The following GALNT14 variants were observed in gnomAD, a reference collection of about 807,000 sequenced individuals.
GALNT14 encodes UDP-GalNAc:polypeptide N-acetylgalactosaminyltransferase 14.
A neutral mutation model predicts 77.5 loss-of-function variants in GALNT14; 60 were observed. The ratio of observed to expected loss-of-function variants is 0.77; its 90% CI spans 0.63 to 0.96. The LOEUF is 0.96. Among genes scored for constraint, GALNT14 ranks in the 40% least tolerant of loss-of-function variants. The probability of loss-of-function intolerance (pLI) is 0.00; values close to 1 mark genes in which losing one functional copy is unlikely to be tolerated. For missense variants in GALNT14, 710 were observed against 731.0 expected (o/e 0.97, Z 0.33); for synonymous variants, 280 against 281.7 (o/e 0.99, Z 0.06).
At chr2:30,943,620 C>G (rs568716196) in intron 8 of GALNT14, among the ~76,000 whole-genome samples, 8 of 152,276 alleles carry the variant, frequency 5.3e-5, no homozygotes, top group Non-Finnish European at 1.2e-4. Context: ...TCACCTTGAC[C>G]CTTTGCTCTT....
intron 1 of GALNT14, among the ~76,000 whole-genome samples, chr2:31,010,042 A>G (rs1352505131): frequency 6.6e-6 from 1 of 152,192 alleles, no homozygotes; most frequent in Non-Finnish European, 1.5e-5. Flanking sequence ...CTGCAGTGCA[A>G]TGGCATGATC....
chr2:30,987,978 G>A (rs945221318), intron 2 of GALNT14, among the ~76,000 whole-genome samples: 16 of 152,202 alleles, frequency 1.1e-4, no homozygotes, highest in African/African-American at 3.9e-4. Flanking sequence ...TTTCAGTAAC[G>A]AGAACTCTTT....
intron 1 of GALNT14, among the ~76,000 whole-genome samples, chr2:31,057,590 G>A (rs1220546331): frequency 6.6e-6 from 1 of 151,802 alleles, no homozygotes; most frequent in East Asian, 1.9e-4. Flanking sequence ...GAGGAACAAT[G>A]ATCAGGTGCT....
At chr2:31,056,020 T>G (rs1674187188) in intron 1 of GALNT14, among the ~76,000 whole-genome samples, 1 of 152,202 alleles carries the variant, frequency 6.6e-6, no homozygotes, top group African/African-American at 2.4e-5. Context: ...TCGAGTCAAA[T>G]TAAAAGTCCC....
At chr2:30,958,322 A>G in intron 4 of GALNT14, 75 bp downstream of exon 4, 2 of 1,289,402 alleles carry the variant, frequency 1.6e-6, no homozygotes, top group Non-Finnish European at 2.2e-6. Context: ...AAACCAGTGG[A>G]CTCACCTCTG....
chr2:31,128,011 A>G (rs1256620452), intron 1 of GALNT14, among the ~76,000 whole-genome samples: 1 of 152,204 alleles, frequency 6.6e-6, no homozygotes, highest in Non-Finnish European at 1.5e-5. Context: ...ATCTTAGAGC[A>G]GAGTACCAAC....
chr2:31,039,145 T>C (rs1170528142), intron 1 of GALNT14, among the ~76,000 whole-genome samples: 2 of 152,214 alleles, frequency 1.3e-5, no homozygotes, highest in African/African-American at 2.4e-5. Context: ...TTGCCAGTGT[T>C]CTTGTTGCTT....
At chr2:31,051,754 C>T (rs1358931595) in intron 1 of GALNT14, among the ~76,000 whole-genome samples, 1 of 152,168 alleles carries the variant, frequency 6.6e-6, no homozygotes, top group Non-Finnish European at 1.5e-5. Flanking sequence ...TCTGTGGGTT[C>T]AGGGACTGGG....
chr2:31,043,328 T>G (rs1177188227), intron 1 of GALNT14, among the ~76,000 whole-genome samples: 1 of 152,228 alleles, frequency 6.6e-6, no homozygotes, highest in Admixed American at 6.5e-5. Flanking sequence ...CTGATTTACC[T>G]TGTTAACTAC....
At position 30,944,941 on chromosome 2, in the gene GALNT14, C is replaced by CCCTACAACA; in HGVS notation, c.743-8_743dup (p.Gly248_Phe249insValValGly). 6.2e-7 allele frequency: 1 copy of CCCTACAACA among 1,605,616 alleles called. No homozygotes were observed. The stretch of plus-strand genomic sequence containing the variant: ...ACTGGAAGTGGAGGCTCCAGTCAAA[C>CCCTACAACA]CCTACAACACAGCACCAACCCACCT... On this transcript the variant is annotated inframe_insertion and splice_region_variant, in exon 8 of 15. Transcript: ENST00000349752.
At chr2:30,900,327 ACT>A in the GALNT14 span, among the ~76,000 whole-genome samples, 1 of 152,016 alleles carries the variant, frequency 6.6e-6, no homozygotes, top group African/African-American at 2.4e-5. Context: ...TCAGTATTAA[ACT>A]CTGTCATTAT....
At chr2:31,111,311 C>T (rs938893170) in intron 1 of GALNT14, among the ~76,000 whole-genome samples, 3 of 152,160 alleles carry the variant, frequency 2.0e-5, no homozygotes, top group Admixed American at 6.5e-5. Context: ...TGCAGGACTT[C>T]GCAAGTCTCC....
intron 1 of GALNT14, among the ~76,000 whole-genome samples, chr2:31,020,519 C>T (rs552771358): frequency 3.3e-5 from 5 of 152,312 alleles, no homozygotes; most frequent in Admixed American, 1.3e-4. Flanking sequence ...AGATGGCCTC[C>T]GGAATCACAT....
At chr2:30,994,102 C>T (rs1669879248) in intron 1 of GALNT14, among the ~76,000 whole-genome samples, 1 of 152,208 alleles carries the variant, frequency 6.6e-6, no homozygotes, top group Admixed American at 6.5e-5. Context: ...ACATAAGACT[C>T]TGTGTTTCCA....
intron 9 of GALNT14, among the ~76,000 whole-genome samples, chr2:30,936,045 G>T (rs116635767): frequency 6.6e-6 from 1 of 152,108 alleles, no homozygotes; most frequent in Non-Finnish European, 1.5e-5. Flanking sequence ...GCCACTTCAC[G>T]GAGACCCAAA....
chr2:31,053,962 G>A (rs1027012696), intron 1 of GALNT14, among the ~76,000 whole-genome samples: 10 of 152,172 alleles, frequency 6.6e-5, no homozygotes, highest in African/African-American at 2.4e-4. Flanking sequence ...TCCCACAATA[G>A]TGTAGTTAGG....
intron 1 of GALNT14, among the ~76,000 whole-genome samples, chr2:31,118,317 A>G (rs1678218757): frequency 6.6e-6 from 1 of 152,052 alleles, no homozygotes; most frequent in African/African-American, 2.4e-5. Context: ...CCAAAGTACC[A>G]AAAAAAACTA....
At chr2:31,007,467 C>T (rs531318087) in intron 1 of GALNT14, among the ~76,000 whole-genome samples, 6 of 152,324 alleles carry the variant, frequency 3.9e-5, no homozygotes, top group East Asian at 3.9e-4. Context: ...CTTGTCCATT[C>T]ATCAAAGCAC....
Position 31,138,438 on chromosome 2 carries a change from A to G in GALNT14, c.-352T>C, listed in dbSNP as rs1679333414. On this transcript the variant is annotated 5_prime_UTR_variant, in exon 1 of 15. Transcript: ENST00000349752. ...CCTTGCCCGCTGCCGCCGATAGGGA[A>G]ACTGACTCGAGCAGCGAGAGGGAGG... 1 of 305,164 alleles carries G rather than the reference A, an allele frequency of 3.3e-6. No homozygotes were observed. The highest frequency in any genetic ancestry group is 6.1e-6 in the Non-Finnish European group (1 of 164,762). The allele number at this position is 305,164 out of a possible 1,614,324, so 18.9% of individuals were successfully genotyped here. A position where few individuals can be genotyped will look rare whatever the true frequency, so the allele number is the denominator to read the frequency against.
Sources: allele counts gnomAD v4.1 joint callset (sites outside exome capture counted in the v4.1 genomes callset), GRCh38; gene constraint gnomAD v4.1.1; transcripts MANE v1.5; gene names NCBI Gene and HGNC (gene_info 2026-07-23, HGNC 2026-07-21).